Variants in ELMO1 observed in about 807,000 individuals in gnomAD.
ELMO1 encodes the protein engulfment and cell motility protein 1.
ELMO1 carries 26 observed loss-of-function variants against 98.9 expected under a neutral mutation model. The observed-to-expected ratio is 0.26, with a 90% confidence interval of 0.19 to 0.36. The LOEUF is 0.36. Among genes scored for constraint, ELMO1 ranks in the 10% least tolerant of loss-of-function variants. The pLI, the probability that ELMO1 is intolerant of heterozygous loss-of-function variation, is 1.00. For synonymous variants in ELMO1, 346 were observed against 346.0 expected (o/e 1.00, Z 0.00); for missense variants, 627 against 935.2 (o/e 0.67, Z 4.30).
chr7:37,013,276 CCT>C, intron 16 of ELMO1, 21 bp downstream of exon 16: 1 of 1,612,534 alleles, frequency 6.2e-7, no homozygotes. Flanking sequence ...GAATCCCCTG[CCT>C]CTATCCGAGA....
intron 6 of ELMO1, among the ~76,000 whole-genome samples, chr7:37,255,789 T>TTACATATCAATGGCTGG (rs1554283417): frequency 2.0e-5 from 3 of 152,002 alleles, no homozygotes; most frequent in African/African-American, 7.2e-5. Flanking sequence ...GCATTGTCCT[T>TTACATATCAATGGCTGG]GACTTAGCTT....
chr7:37,379,030 G>A (rs903982548), intron 1 of ELMO1, among the ~76,000 whole-genome samples: 1 of 150,396 alleles, frequency 6.6e-6, no homozygotes, highest in East Asian at 1.9e-4. Context: ...ACTTTATCTT[G>A]CATCACATTC....
chr7:37,278,412 G>A (rs184226824), intron 4 of ELMO1, among the ~76,000 whole-genome samples: 1 of 152,084 alleles, frequency 6.6e-6, no homozygotes, highest in Admixed American at 6.5e-5. Flanking sequence ...GGGAGGCTGA[G>A]GTGGGATGAT....
At chr7:37,279,759 G>GAT (rs936496263) in intron 4 of ELMO1, among the ~76,000 whole-genome samples, 1 of 152,176 alleles carries the variant, frequency 6.6e-6, no homozygotes, top group Non-Finnish European at 1.5e-5. Context: ...GTGGAGCAGG[G>GAT]GGTATAACTC....
At chr7:36,908,060 T>C (rs1784086516) in intron 16 of ELMO1, among the ~76,000 whole-genome samples, 1 of 152,250 alleles carries the variant, frequency 6.6e-6, no homozygotes. Flanking sequence ...TTCAGTTTTA[T>C]GTCCTTGTGA....
chr7:37,390,326 A>G (rs1251086713), intron 1 of ELMO1, among the ~76,000 whole-genome samples: 1 of 152,170 alleles, frequency 6.6e-6, no homozygotes, highest in African/African-American at 2.4e-5. Flanking sequence ...TGAAGCCCGC[A>G]CTCACTGTGC....
At chr7:37,271,451 A>G (rs534771323) in intron 5 of ELMO1, 4 of 201,022 alleles carry the variant, frequency 2.0e-5, no homozygotes, top group South Asian at 2.1e-4. Context: ...GAAGTGTCCA[A>G]TCTTTTGGCT....
At chr7:36,901,798 C>CAA (rs140482415) in intron 16 of ELMO1, among the ~76,000 whole-genome samples, 3 of 149,270 alleles carry the variant, frequency 2.0e-5, no homozygotes, top group African/African-American at 7.4e-5. Context: ...ACATCTTATC[C>CAA]AAAAAAAAAA....
At chr7:37,100,225 A>C (rs1784570750) in intron 14 of ELMO1, among the ~76,000 whole-genome samples, 1 of 152,208 alleles carries the variant, frequency 6.6e-6, no homozygotes, top group Non-Finnish European at 1.5e-5. Context: ...GTTGTCTATA[A>C]GCCCTGTTCC....
intron 16 of ELMO1, among the ~76,000 whole-genome samples, chr7:36,974,770 CTT>C (rs1734583890): frequency 1.3e-5 from 2 of 152,228 alleles, no homozygotes; most frequent in African/African-American, 4.8e-5. Flanking sequence ...ACTGCTCACT[CTT>C]TAGGTCCACA....
rs1258161405 is a variant in ELMO1, at chr7:37,042,003, G to A, written c.1301-28568C>T. Among the ~76,000 whole-genome samples, 3 of 151,826 alleles carry A rather than the reference G, an allele frequency of 2.0e-5. No homozygotes were observed. The East Asian group carries it at 5.8e-4, about 29-fold the overall frequency. ...CCTATTTTGTTAAAGAGAGTTACAT[G>A]GCCGGGCATGGTGGCTCACACCTGT... is the stretch of plus-strand genomic sequence containing the variant. On this transcript the variant is annotated intron_variant, in intron 15 of 21. Transcript: ENST00000310758.
intron 2 of ELMO1, among the ~76,000 whole-genome samples, chr7:37,341,136 G>T (rs79199554): frequency 3.0e-4 from 2 of 6,698 alleles, no homozygotes; most frequent in Non-Finnish European, 7.5e-4. Context: ...ATGTGCTTTC[G>T]GGTGATGCCC....
At chr7:37,060,679 C>T (rs907962323) in intron 15 of ELMO1, among the ~76,000 whole-genome samples, 1 of 152,166 alleles carries the variant, frequency 6.6e-6, no homozygotes, top group African/African-American at 2.4e-5. Context: ...TAACAAAAAA[C>T]CCAAGTGACC....
At chr7:37,083,774 C>A (rs915619441) in intron 15 of ELMO1, among the ~76,000 whole-genome samples, 10 of 152,188 alleles carry the variant, frequency 6.6e-5, no homozygotes, top group Non-Finnish European at 1.5e-4. Context: ...CCCCTGATAG[C>A]CTGGCTTCCT....
At chr7:37,316,066 C>A in intron 2 of ELMO1, 106 bp from the exon 3 acceptor site, 3 of 924,038 alleles carry the variant, frequency 3.2e-6, no homozygotes, top group Non-Finnish European at 5.0e-6. Flanking sequence ...AGAGAATTTA[C>A]ATTTGCTATT....
intron 16 of ELMO1, among the ~76,000 whole-genome samples, chr7:36,910,558 C>G (rs547227774): frequency 3.9e-5 from 6 of 152,316 alleles, no homozygotes; most frequent in African/African-American, 1.4e-4. Flanking sequence ...ACAACAGGCA[C>G]TGGAATCAGG....
intron 1 of ELMO1, among the ~76,000 whole-genome samples, chr7:37,416,589 A>G (rs1203496985): frequency 6.6e-6 from 1 of 152,266 alleles, no homozygotes; most frequent in African/African-American, 2.4e-5. Context: ...CCCGCCCTAA[A>G]AGGAGGGCCA....
chr7:37,287,332 T>C (rs1797444145), intron 4 of ELMO1, among the ~76,000 whole-genome samples: 1 of 152,236 alleles, frequency 6.6e-6, no homozygotes, highest in Admixed American at 6.5e-5. Context: ...CTGTGATATG[T>C]AAATAAATGG....
intron 1 of ELMO1, among the ~76,000 whole-genome samples, chr7:37,431,651 A>G (rs1398316411): frequency 1.3e-5 from 2 of 152,194 alleles, no homozygotes; most frequent in Admixed American, 6.5e-5. Flanking sequence ...CCAGAAATGT[A>G]TTCTGTTAAT....
Sources: allele counts gnomAD v4.1 joint callset (sites outside exome capture counted in the v4.1 genomes callset), GRCh38; gene constraint gnomAD v4.1.1; transcripts MANE v1.5; gene names NCBI Gene and HGNC (gene_info 2026-07-23, HGNC 2026-07-21).